Variants in CFAP44 observed in about 807,000 individuals in gnomAD.
CFAP44 encodes cilia and flagella associated protein 44.
A neutral mutation model predicts 216.2 loss-of-function variants in CFAP44; 134 were observed. The observed-to-expected ratio is 0.62, with a 90% CI of 0.54 to 0.72. CFAP44 has a LOEUF of 0.72. CFAP44 is among the 30% of genes least tolerant of loss of function. CFAP44 has a pLI of 0.00. For synonymous variants in CFAP44, 700 were observed against 727.6 expected (o/e 0.96, Z 0.61); for missense variants, 2,035 against 2,182.1 (o/e 0.93, Z 1.34).
In CFAP44 at chr3:113,341,787, C is replaced by T; in HGVS notation, c.3394G>A (p.Ala1132Thr). The T allele has an allele frequency of 1.3e-6, 2 of 1,523,512 alleles. No homozygotes were observed. Among genetic ancestry groups the T allele is most frequent in the Non-Finnish European group, 8.7e-7 (1 of 1,143,488 alleles). The allele number at this position is 1,523,512 out of a possible 1,614,324, so 94.4% of individuals were successfully genotyped here. A position where few individuals can be genotyped will look rare whatever the true frequency, so the allele number is the denominator to read the frequency against. Residue 1132 changes from alanine to threonine, a missense_variant, in exon 24 of 35, where the codon GCA (alanine) becomes ACA (threonine). Ala to Thr is a moderately conservative substitution (Grantham distance 58, BLOSUM62 0). This residue lies in a region of CFAP44 where 1,883 missense variants were observed against 2,023.7 expected (regional missense o/e 0.93). Coordinates refer to ENST00000393845, the MANE Select transcript of CFAP44 (RefSeq NM_001164496.2). The part of the protein sequence containing the change: ...TRKLILKAER[A>T]QLKIQQRKKE... ...TTTCGCTGTTGAATCTTTAGTTGTG[C>T]CCTTTCAGCTTTTAATATAAGTTTT...
At chr3:113,404,899 T>C (rs1430991188) in intron 8 of CFAP44, among the ~76,000 whole-genome samples, 4 of 152,216 alleles carry the variant, frequency 2.6e-5, no homozygotes, top group Non-Finnish European at 2.9e-5. Context: ...CTGCACAGCC[T>C]CAGAAGGCTG....
At chr3:113,372,307 T>C (rs1174148059) in intron 18 of CFAP44, among the ~76,000 whole-genome samples, 1 of 152,136 alleles carries the variant, frequency 6.6e-6, no homozygotes. Context: ...CCATTCACAA[T>C]AGCAAAGACT....
intron 32 of CFAP44, among the ~76,000 whole-genome samples, chr3:113,298,586 A>G (rs1358269252): frequency 6.6e-6 from 1 of 152,242 alleles, no homozygotes; most frequent in African/African-American, 2.4e-5. Context: ...GAAGCAATCC[A>G]GCTGCCCATT....
chr3:113,418,057 A>ATTT (rs1559943098), intron 5 of CFAP44, among the ~76,000 whole-genome samples: 2 of 148,952 alleles, frequency 1.3e-5, no homozygotes, highest in African/African-American at 5.0e-5. Context: ...ATTGAGACAC[A>ATTT]ATTTATTTAT....
chr3:113,416,585 T>C lies in CFAP44; in HGVS notation c.613A>G (p.Ser205Gly). 1 of 1,612,530 alleles carries C rather than the reference T, an allele frequency of 6.2e-7. No individual in the cohort carries two copies. The highest frequency in any genetic ancestry group is 8.5e-7 in the Non-Finnish European group (1 of 1,179,080). ...KTYFTVAEKG[S>G]FPDIIIYEYP... Reference sequence around the variant, plus strand: ...TCATAGATGATAATATCTGGAAAACTCCCTTTTTCAGCTACTGTGAAATAA... The same window carrying C: ...TCATAGATGATAATATCTGGAAAACCCCCTTTTTCAGCTACTGTGAAATAA... Residue 205 changes from serine (S) to glycine (G), a missense_variant, in exon 6 of 35, where the codon AGT (serine) becomes GGT (glycine). By Grantham distance (56) the Ser-to-Gly change is moderately conservative (BLOSUM62 0). Transcript: ENST00000393845.
intron 7 of CFAP44, among the ~76,000 whole-genome samples, chr3:113,408,149 G>A (rs1213613368): frequency 6.6e-6 from 1 of 152,158 alleles, no homozygotes; most frequent in South Asian, 2.1e-4. Flanking sequence ...AAGTCAGGAT[G>A]GATAAAAATG....
At chr3:113,340,429 T>C (rs1358478065) in intron 24 of CFAP44, among the ~76,000 whole-genome samples, 3 of 152,162 alleles carry the variant, frequency 2.0e-5, no homozygotes, top group Non-Finnish European at 4.4e-5. Context: ...CAGAGCCTCT[T>C]ACCCACAGGA....
chr3:113,403,947 G>A lies in CFAP44; in HGVS notation c.1075C>T (p.Arg359Ter), dbSNP rs763345969. Residue 359 changes from arginine to a stop codon, truncating the protein, a stop_gained, in exon 9 of 35, where the codon CGA (arginine) becomes TGA (stop). Coordinates refer to ENST00000393845, the MANE Select transcript of CFAP44 (RefSeq NM_001164496.2). LOFTEE classifies it high-confidence loss of function. The part of the protein sequence containing the change: ...EGGLIKVELC[R>*]GTSKSCHNGP... ...TTGTGACATGACTTGCTTGTCCCTC[G>A]ACAGAGCTCCACTTTGATCAGACCA... The A allele has an allele frequency of 1.4e-5, 22 of 1,613,974 alleles. No homozygotes were observed. Among genetic ancestry groups the A allele is most frequent in the Non-Finnish European group, 1.6e-5 (19 of 1,180,022 alleles).
intron 18 of CFAP44, 112 bp from the exon 19 acceptor site, chr3:113,366,421 G>A: frequency 7.8e-7 from 1 of 1,279,296 alleles, no homozygotes. Context: ...GGACTGAATT[G>A]TACACCCCTA....
chr3:113,374,610 A>G (rs1933279398), intron 17 of CFAP44, among the ~76,000 whole-genome samples: 1 of 152,028 alleles, frequency 6.6e-6, no homozygotes, highest in African/African-American at 2.4e-5. Context: ...CAATAGCCAA[A>G]AGGTGGGAAC....
At chr3:113,401,545 T>C in intron 10 of CFAP44, 39 bp downstream of exon 10, 5 of 1,607,878 alleles carry the variant, frequency 3.1e-6, no homozygotes, top group Non-Finnish European at 3.4e-6. Context: ...TTTTGGTCCA[T>C]GTAATGTTAA....
chr3:113,294,434 G>A, intron 34 of CFAP44: 1 of 435,416 alleles, frequency 2.3e-6, no homozygotes, highest in South Asian at 3.4e-5. Flanking sequence ...ACCTCTCCAG[G>A]ACCAAGGCAA....
At position 113,330,233 on chromosome 3, in the gene CFAP44, C is replaced by A. The variant is rs899885712; in HGVS notation, c.4051G>T (p.Glu1351Ter). The A allele has an allele frequency of 1.3e-6, 2 of 1,537,676 alleles. No homozygotes were observed. Among genetic ancestry groups the A allele is most frequent in the Non-Finnish European group, 1.7e-6 (2 of 1,146,988 alleles). The part of the protein sequence containing the change: ...EFEKAEPTDV[E>*]LEIMKRDEIK... ...TCGTCTCTCTTCATAATTTCCAGCT[C>A]CACATCCGTTGGCTCTGCTTTTTCA... Residue 1351 changes from glutamate (E) to a stop codon, truncating the protein, a stop_gained, in exon 26 of 35, where the codon GAG becomes TAG. Coordinates refer to ENST00000393845, the MANE Select transcript of CFAP44 (RefSeq NM_001164496.2). LOFTEE classifies it high-confidence loss of function.
chr3:113,399,916 AC>A lies in CFAP44; in HGVS notation c.1558del (p.Val520TyrfsTer5). Reference sequence around the variant, plus strand: ...TAACAACAAACTTACCATTCGGGGTACCCAAACAAGGGCAGTACCTCCTTGT... The same window carrying A: ...TAACAACAAACTTACCATTCGGGGTACCAAACAAGGGCAGTACCTCCTTGT... ...FKQGGTALVW[V>X]PRMVNFTGAQ... On this transcript the variant is annotated frameshift_variant, in exon 13 of 35. Coordinates refer to ENST00000393845, the MANE Select transcript of CFAP44 (RefSeq NM_001164496.2). LOFTEE classifies it high-confidence loss of function. 6.3e-7 allele frequency: 1 copy of A among 1,583,342 alleles called. No individual in the cohort carries two copies. The highest frequency in any genetic ancestry group is 1.2e-5 in the South Asian group (1 of 83,540).
intron 4 of CFAP44, 102 bp from the exon 5 acceptor site, chr3:113,420,281 T>G (rs1205693380): frequency 8.3e-7 from 1 of 1,210,708 alleles, no homozygotes; most frequent in Non-Finnish European, 1.1e-6. Flanking sequence ...TAGATGAAGA[T>G]GTGAGGTTGA....
intron 4 of CFAP44, among the ~76,000 whole-genome samples, chr3:113,420,859 GTAAT>G (rs1268286248): frequency 6.6e-6 from 1 of 152,074 alleles, no homozygotes; most frequent in Non-Finnish European, 1.5e-5. Flanking sequence ...AAATATATAT[GTAAT>G]TAATAGACTA....
At position 113,330,589 on chromosome 3, in the gene CFAP44, T is replaced by C; in HGVS notation, c.3695A>G (p.Gln1232Arg). The C allele has an allele frequency of 4.6e-6, 7 of 1,537,248 alleles. No individual in the cohort carries two copies. The highest frequency in any genetic ancestry group is 2.0e-5 in the Admixed American group (1 of 50,988). ...GTTCTTCAGTTCTTGTACCAGGCAC[T>C]GTATTTCCTCAACAACAGCCACTTT... ...DLKVAVVEEIQCLVQELKNIQ... is the reference protein window; with the variant it reads ...DLKVAVVEEIRCLVQELKNIQ... Residue 1232 changes from glutamine (Q) to arginine (R), a missense_variant, in exon 26 of 35, where the codon CAG becomes CGG. This residue lies in a region of CFAP44 where 1,883 missense variants were observed against 2,023.7 expected (regional missense o/e 0.93). Coordinates refer to ENST00000393845, the MANE Select transcript of CFAP44 (RefSeq NM_001164496.2).
intron 28 of CFAP44, among the ~76,000 whole-genome samples, chr3:113,316,868 C>CAAAA (rs71684264): frequency 8.6e-6 from 1 of 116,334 alleles, no homozygotes. Context: ...GACTCCATCT[C>CAAAA]AAAAAAAAAA....
rs1473078913 is a variant in CFAP44, at chr3:113,407,032, T to C, written c.900A>G (p.Glu300=). 6.2e-7 allele frequency: 1 copy of C among 1,613,810 alleles called. No homozygotes were observed. The highest frequency in any genetic ancestry group is 1.3e-5 in the African/African-American group (1 of 74,922). The change falls in exon 8 of 35, where the codon GAA becomes GAG. Residue 300 remains glutamate, a synonymous_variant. Transcript: ENST00000393845. ...TGAGACCGGTGAACGTAAAAGCCAT[T>C]TCCCAGAACCTACAAACAAGAAAGA... ...TSGSGHIKFW[E]MAFTFTGLKL...
Sources: allele counts gnomAD v4.1 joint callset (sites outside exome capture counted in the v4.1 genomes callset), GRCh38; gene constraint gnomAD v4.1.1; regional missense constraint gnomAD v4.1.1; transcripts MANE v1.5; gene names NCBI Gene and HGNC (gene_info 2026-07-23, HGNC 2026-07-21).